The following ITGAD variants were observed in gnomAD, a reference collection of about 807,000 sequenced individuals.
The protein encoded by ITGAD is integrin alpha-D.
ITGAD carries 105 observed loss-of-function variants against 139.0 expected under a neutral mutation model. The ratio of observed to expected loss-of-function variants is 0.76; its 90% CI spans 0.65 to 0.89. The LOEUF (loss-of-function observed/expected upper bound fraction) is 0.89, where lower values mean the gene tolerates loss of function less well. ITGAD is among the 40% of genes least tolerant of loss of function. The pLI, the probability that ITGAD is intolerant of heterozygous loss-of-function variation, is 0.00. For synonymous variants in ITGAD, 569 were observed against 598.3 expected, an observed-to-expected ratio of 0.95 and a Z score of 0.71; for missense variants, 1,384 against 1,487.3, an observed-to-expected ratio of 0.93 and a Z score of 1.14.
chr16:31,414,930 C>A lies in ITGAD; in HGVS notation c.2222C>A (p.Pro741His). 6.2e-7 allele frequency: 1 copy of A among 1,614,058 alleles called. No individual in the cohort carries two copies. Among genetic ancestry groups the A allele is most frequent in the Non-Finnish European group, 8.5e-7 (1 of 1,179,980 alleles). ...TTCTCACTGGTGAGAGAGCCCATCC[C>A]CTCCCCCCAGAACCTGCGTCCTGTG... ...LNFSLVREPI[P>H]SPQNLRPVLA... The change falls in exon 18 of 30, where the codon CCC (proline) becomes CAC (histidine). Residue 741 changes from proline to histidine, a missense_variant. Physicochemically the swap from Pro to His is moderately conservative, Grantham distance 77. Transcript: ENST00000389202.
intron 1 of ITGAD, among the ~76,000 whole-genome samples, chr16:31,394,018 C>T (rs1296992143): frequency 6.6e-6 from 1 of 150,784 alleles, no homozygotes; most frequent in Non-Finnish European, 1.5e-5. Flanking sequence ...GTAATCCCAG[C>T]TACTTGGGAA....
chr16:31,425,179 C>T (rs1245594001), intron 29 of ITGAD, among the ~76,000 whole-genome samples: 1 of 152,172 alleles, frequency 6.6e-6, no homozygotes, highest in East Asian at 1.9e-4. Context: ...TCAAAAGATT[C>T]TCATGCCTCA....
At chr16:31,417,155 C>A (rs1367763805) in intron 20 of ITGAD, among the ~76,000 whole-genome samples, 1 of 151,002 alleles carries the variant, frequency 6.6e-6, no homozygotes, top group East Asian at 1.9e-4. Context: ...GCAATCCTCC[C>A]ACGTCAGCCT....
intron 3 of ITGAD, 52 bp from the exon 4 acceptor site, chr16:31,397,544 C>T: frequency 1.9e-6 from 3 of 1,598,572 alleles, no homozygotes; most frequent in East Asian, 2.2e-5. Flanking sequence ...CCAGACCTTC[C>T]CCGCAAATGA....
chr16:31,415,064 G>A, intron 18 of ITGAD, 73 bp downstream of exon 18: 1 of 1,558,972 alleles, frequency 6.4e-7, no homozygotes, highest in Admixed American at 1.7e-5. Context: ...ATCCACTGTA[G>A]CTCCCCAACA....
chr16:31,402,319 G>A, intron 6 of ITGAD, 74 bp downstream of exon 6: 1 of 1,193,908 alleles, frequency 8.4e-7, no homozygotes, highest in East Asian at 2.7e-5. Flanking sequence ...CCCGGGAGGG[G>A]TGGGGGCAGG....
intron 2 of ITGAD, among the ~76,000 whole-genome samples, chr16:31,395,115 G>A (rs1413855666): frequency 1.3e-5 from 2 of 152,122 alleles, no homozygotes; most frequent in African/African-American, 2.4e-5. Context: ...CCAGGAGTTT[G>A]AGACCAGTTT....
At chr16:31,413,333 C>A in intron 16 of ITGAD, 87 bp downstream of exon 16, 1 of 1,371,086 alleles carries the variant, frequency 7.3e-7, no homozygotes. Flanking sequence ...GCCTAGGAAT[C>A]CAATCTTACC....
intron 5 of ITGAD, among the ~76,000 whole-genome samples, chr16:31,399,113 T>C (rs2081342914): frequency 6.6e-6 from 1 of 152,168 alleles, no homozygotes; most frequent in Admixed American, 6.5e-5. Context: ...CCATGACATC[T>C]CTCTGAGGGT....
At chr16:31,394,104 C>G in intron 1 of ITGAD, 132 bp from the exon 2 acceptor site, 1 of 543,234 alleles carries the variant, frequency 1.8e-6, no homozygotes, top group Non-Finnish European at 3.2e-6. Context: ...GCACTCCAGC[C>G]TCAGCAACAG....
chr16:31,408,269 G>T (rs893820598), intron 9 of ITGAD, among the ~76,000 whole-genome samples, 156 bp from the exon 10 acceptor site: 1 of 152,186 alleles, frequency 6.6e-6, no homozygotes, highest in Non-Finnish European at 1.5e-5. Context: ...ACTGCGCCCA[G>T]CCTGTCCCGC....
Position 31,426,175 on chromosome 16 carries a change from T to A in ITGAD, c.*47T>A. ...TCTACCACTGTGGGCTGGACTTGCTTGCAACCATAAATCAACTTACATGGA... is the reference window on the plus strand; with the variant it reads ...TCTACCACTGTGGGCTGGACTTGCTAGCAACCATAAATCAACTTACATGGA... On this transcript the variant is annotated 3_prime_UTR_variant, in exon 30 of 30. Transcript: ENST00000389202. 1.5e-6 allele frequency: 2 copies of A among 1,302,080 alleles called. No homozygotes were observed. Among genetic ancestry groups the A allele is most frequent in the Non-Finnish European group, 2.2e-6 (2 of 907,148 alleles). The allele number at this position is 1,302,080 out of a possible 1,614,324, so 80.7% of individuals were successfully genotyped here.
In ITGAD at chr16:31,426,195, C is replaced by A; in HGVS notation, c.*67C>A. The A allele has an allele frequency of 9.2e-7, 1 of 1,085,228 alleles. No individual in the cohort carries two copies. Among genetic ancestry groups the A allele is most frequent in the Non-Finnish European group, 1.4e-6 (1 of 716,658 alleles). The allele number at this position is 1,085,228 out of a possible 1,614,324, so 67.2% of individuals were successfully genotyped here. A position where few individuals can be genotyped will look rare whatever the true frequency, so the allele number is the denominator to read the frequency against. On this transcript the variant is annotated 3_prime_UTR_variant, in exon 30 of 30. Coordinates refer to ENST00000389202, the MANE Select transcript of ITGAD (RefSeq NM_005353.3). ...TTGCTTGCAACCATAAATCAACTTA[C>A]ATGGAAACAACTTCTGCATAGATCT...
chr16:31,400,270 C>T (rs957701971), intron 5 of ITGAD, among the ~76,000 whole-genome samples: 7 of 152,212 alleles, frequency 4.6e-5, no homozygotes, highest in Admixed American at 6.5e-5. Flanking sequence ...CCTTCTGTTT[C>T]TCCCCAGCAC....
intron 20 of ITGAD, 103 bp from the exon 21 acceptor site, chr16:31,417,972 A>G (rs2081930939): frequency 3.4e-6 from 3 of 894,532 alleles, no homozygotes; most frequent in East Asian, 4.9e-5. Context: ...CAAAAAAAGA[A>G]AAGTCTGTCA....
intron 14 of ITGAD, 72 bp downstream of exon 14, chr16:31,411,589 T>C (rs1210888314): frequency 1.4e-6 from 2 of 1,420,754 alleles, no homozygotes; most frequent in Admixed American, 1.7e-5. Flanking sequence ...CGCAGCCTCC[T>C]GTCTCTGTCA....
intron 15 of ITGAD, 48 bp downstream of exon 15, chr16:31,413,016 C>T (rs563502066): frequency 8.7e-6 from 14 of 1,603,088 alleles, no homozygotes; most frequent in African/African-American, 2.7e-5. Context: ...TCTGATTCAC[C>T]GGTGCTGCCT....
intron 26 of ITGAD, 62 bp downstream of exon 26, chr16:31,423,710 T>C (rs2082053580): frequency 6.5e-7 from 1 of 1,547,890 alleles, no homozygotes; most frequent in Admixed American, 1.7e-5. Flanking sequence ...CTGGGAAATG[T>C]ACTGCTAGGC....
intron 7 of ITGAD, among the ~76,000 whole-genome samples, chr16:31,405,357 A>T (rs760093395): frequency 6.6e-6 from 1 of 152,178 alleles, no homozygotes; most frequent in Non-Finnish European, 1.5e-5. Flanking sequence ...TTACAAAAAA[A>T]CAAAAACAAA....
Sources: allele counts gnomAD v4.1 joint callset (sites outside exome capture counted in the v4.1 genomes callset), GRCh38; gene constraint gnomAD v4.1.1; transcripts MANE v1.5; gene names NCBI Gene and HGNC (gene_info 2026-07-23, HGNC 2026-07-21).